TMEM39B: variants seen among roughly 807,000 people sequenced by gnomAD.
TMEM39B encodes the protein transmembrane protein 39B.
A neutral mutation model predicts 52.2 loss-of-function variants in TMEM39B; 23 were observed. The observed-to-expected ratio is 0.44, with a 90% CI of 0.32 to 0.62. The LOEUF (loss-of-function observed/expected upper bound fraction) is 0.62, where lower values mean the gene tolerates loss of function less well. TMEM39B is among the 20% of genes least tolerant of loss of function. TMEM39B has a pLI of 0.06. For missense variants in TMEM39B, 547 were observed against 642.0 expected (o/e 0.85, Z 1.60); for synonymous variants, 285 against 264.0 (o/e 1.08, Z -0.77).
intron 5 of TMEM39B, among the ~76,000 whole-genome samples, chr1:32,079,171 T>C (rs1363816177): frequency 6.6e-6 from 1 of 151,204 alleles, no homozygotes; most frequent in African/African-American, 2.4e-5. Flanking sequence ...AGTTTTAACC[T>C]GTTCTATTTC....
intron 7 of TMEM39B, among the ~76,000 whole-genome samples, chr1:32,096,419 T>TG (rs893491985): frequency 2.2e-4 from 33 of 151,494 alleles, no homozygotes; most frequent in African/African-American, 7.3e-4. Flanking sequence ...TCAGGGCCCT[T>TG]GCCTGTCTAG....
At chr1:32,078,415 C>T (rs765129327) in intron 5 of TMEM39B, among the ~76,000 whole-genome samples, 1 of 151,472 alleles carries the variant, frequency 6.6e-6, no homozygotes, top group African/African-American at 2.4e-5. Flanking sequence ...CTCAGGAGGT[C>T]GAGGCTGCAG....
rs34793281 is a variant in TMEM39B at position 32,093,399 on chromosome 1, C to CTTTTTTT, written c.928-1361_928-1355dup. 9.3e-4 allele frequency among the ~76,000 whole-genome samples: 47 copies of CTTTTTTT among 50,340 alleles called. 1 individual carries two copies. Among genetic ancestry groups the CTTTTTTT allele is most frequent in the African/African-American group, 2.4e-3 (45 of 18,444 alleles). 33.0% of individuals were successfully genotyped at this position (50,340 alleles called of 152,430 possible). A position where few individuals can be genotyped will look rare whatever the true frequency, so the allele number is the denominator to read the frequency against. On this transcript the variant is annotated intron_variant, in intron 6 of 8. Coordinates refer to ENST00000336294, the MANE Select transcript of TMEM39B (RefSeq NM_018056.4). ...TAGCCATGAGCCACCAAGCCCGGCC[C>CTTTTTTT]TTTTTTTTTTTTTTTTTTTTTTTTT...
Position 32,073,015 on chromosome 1 carries a change from C to A in TMEM39B, c.-33C>A. 6.5e-7 allele frequency: 1 copy of A among 1,531,290 alleles called. No homozygotes were observed. The highest frequency in any genetic ancestry group is 8.8e-7 in the Non-Finnish European group (1 of 1,137,304). The allele number at this position is 1,531,290 out of a possible 1,614,324, so 94.9% of individuals were successfully genotyped here. A position where few individuals can be genotyped will look rare whatever the true frequency, so the allele number is the denominator to read the frequency against. On this transcript the variant is annotated 5_prime_UTR_variant, in exon 1 of 9. Transcript: ENST00000336294. ...TCCGACATATTGCCCGCAGGAGCTG[C>A]GGCGGCGAAGCGGAGAGCACCGGGG...
intron 7 of TMEM39B, among the ~76,000 whole-genome samples, chr1:32,096,277 G>A (rs931584825): frequency 6.6e-6 from 1 of 151,936 alleles, no homozygotes; most frequent in Non-Finnish European, 1.5e-5. Flanking sequence ...TCCAGAATGG[G>A]TTCAGTGCCC....
chr1:32,081,177 T>G (rs1274744970), intron 5 of TMEM39B, among the ~76,000 whole-genome samples: 3 of 151,694 alleles, frequency 2.0e-5, no homozygotes, highest in Non-Finnish European at 4.4e-5. Flanking sequence ...TCTTTTACTT[T>G]CTGGGTTTTT....
intron 8 of TMEM39B, among the ~76,000 whole-genome samples, chr1:32,101,799 CA>C (rs1455310731): frequency 6.6e-6 from 1 of 152,136 alleles, no homozygotes; most frequent in Non-Finnish European, 1.5e-5. Flanking sequence ...CCTGTGGAAT[CA>C]AAATCCCTAG....
At chr1:32,078,830 G>A (rs1366694768) in intron 5 of TMEM39B, among the ~76,000 whole-genome samples, 4 of 151,930 alleles carry the variant, frequency 2.6e-5, no homozygotes, top group Non-Finnish European at 5.9e-5. Flanking sequence ...TAGTAGAGTT[G>A]GGGTTTCATC....
chr1:32,100,688 T>C (rs1158092455), intron 8 of TMEM39B, 126 bp downstream of exon 8: 1 of 1,302,804 alleles, frequency 7.7e-7, no homozygotes, highest in Non-Finnish European at 1.1e-6. Context: ...AGGAAGACAG[T>C]GCACACATGT....
At chr1:32,090,277 C>T (rs1353672932) in intron 5 of TMEM39B, among the ~76,000 whole-genome samples, 1 of 152,092 alleles carries the variant, frequency 6.6e-6, no homozygotes, top group African/African-American at 2.4e-5. Flanking sequence ...ACATAATTAG[C>T]TCCAGCCCTG....
intron 5 of TMEM39B, chr1:32,087,879 A>C (rs1309337002): frequency 6.8e-6 from 1 of 146,730 alleles, no homozygotes. Context: ...CAATCTCCTG[A>C]CCTCGTGATC....
chr1:32,098,750 G>A (rs987510094), intron 7 of TMEM39B, among the ~76,000 whole-genome samples: 2 of 151,434 alleles, frequency 1.3e-5, no homozygotes, highest in Non-Finnish European at 3.0e-5. Flanking sequence ...AAAAAAAAAA[G>A]AAAGCTCACC....
chr1:32,085,439 C>T (rs1640301595), intron 5 of TMEM39B, among the ~76,000 whole-genome samples: 1 of 152,038 alleles, frequency 6.6e-6, no homozygotes. Context: ...TTTCTCATAG[C>T]ATACTATTCT....
intron 5 of TMEM39B, among the ~76,000 whole-genome samples, chr1:32,081,901 G>C (rs898500347): frequency 3.2e-4 from 49 of 152,096 alleles, no homozygotes; most frequent in African/African-American, 1.2e-3. Flanking sequence ...AATTATCAAT[G>C]TTTTTGGTTT....
At chr1:32,077,339 C>T (rs748430931) in intron 5 of TMEM39B, 21 bp downstream of exon 5, 1 of 1,613,622 alleles carries the variant, frequency 6.2e-7, no homozygotes, top group African/African-American at 1.3e-5. Context: ...CTCACTTCAC[C>T]CCTCACTGCC....
intron 7 of TMEM39B, among the ~76,000 whole-genome samples, chr1:32,097,849 G>A (rs1640869990): frequency 6.6e-6 from 1 of 151,130 alleles, no homozygotes; most frequent in African/African-American, 2.4e-5. Context: ...TTTCACCATG[G>A]TCTCAATCTC....
At chr1:32,073,595 A>G in intron 1 of TMEM39B, 2 of 987,958 alleles carry the variant, frequency 2.0e-6, no homozygotes, top group Non-Finnish European at 2.4e-6. Context: ...TTCTAAAGAG[A>G]GGAGAGTGGG....
chr1:32,102,300 GTCT>G (rs772227419), intron 8 of TMEM39B, 128 bp from the exon 9 acceptor site: 44 of 1,270,754 alleles, frequency 3.5e-5, no homozygotes, highest in Non-Finnish European at 4.7e-5. Context: ...ACCCCAGAAA[GTCT>G]TCTTCCCCAC....
At chr1:32,079,604 G>T (rs1456005497) in intron 5 of TMEM39B, among the ~76,000 whole-genome samples, 1 of 151,978 alleles carries the variant, frequency 6.6e-6, no homozygotes, top group Non-Finnish European at 1.5e-5. Flanking sequence ...CATCGGCATA[G>T]CACATTATAG....
Sources: allele counts gnomAD v4.1 joint callset (sites outside exome capture counted in the v4.1 genomes callset), GRCh38; gene constraint gnomAD v4.1.1; transcripts MANE v1.5; gene names NCBI Gene and HGNC (gene_info 2026-07-23, HGNC 2026-07-21).